The following PHACTR3 variants were observed in gnomAD, a reference collection of about 807,000 sequenced individuals.
The protein encoded by PHACTR3 is phosphatase and actin regulator 3.
Under a neutral mutation model 66.8 loss-of-function variants are expected in PHACTR3, and 16 were observed. The ratio of observed to expected loss-of-function variants is 0.24; its 90% CI spans 0.16 to 0.36. The LOEUF is 0.36. Among genes scored for constraint, PHACTR3 ranks in the 10% least tolerant of loss-of-function variants. The pLI is 1.00. For missense variants in PHACTR3, 647 were observed against 719.9 expected (o/e 0.90, Z 1.16); for synonymous variants, 323 against 292.1 (o/e 1.11, Z -1.08).
Position 59,755,217 on chromosome 20 carries a change from C to T in PHACTR3, c.394C>T (p.Pro132Ser). 1.9e-6 allele frequency: 3 copies of T among 1,613,714 alleles called. No homozygotes were observed. Among genetic ancestry groups the T allele is most frequent in the Non-Finnish European group, 2.5e-6 (3 of 1,180,004 alleles). Residue 132 changes from proline (P) to serine (S), a missense_variant, in exon 4 of 13, where the codon CCC (proline) becomes TCC (serine). Coordinates refer to ENST00000371015, the MANE Select transcript of PHACTR3 (RefSeq NM_080672.5). ...ESKTCNPDGG[P>S]RSVQSEPPTP... Reference sequence around the variant, plus strand: ...CAAAACTTGCAACCCCGATGGAGGACCCCGATCTGTACAGAGTGAACCACC... The same window carrying T: ...CAAAACTTGCAACCCCGATGGAGGATCCCGATCTGTACAGAGTGAACCACC...
chr20:59,729,661 C>G (rs188983787), intron 1 of PHACTR3, among the ~76,000 whole-genome samples: 9 of 152,252 alleles, frequency 5.9e-5, no homozygotes, highest in African/African-American at 2.2e-4. Flanking sequence ...GGGACTGGCT[C>G]TGTCACCTGC....
intron 1 of PHACTR3, among the ~76,000 whole-genome samples, chr20:59,718,895 C>A (rs1388413104): frequency 6.6e-6 from 1 of 152,256 alleles, no homozygotes; most frequent in Non-Finnish European, 1.5e-5. Context: ...TTGGCCTACG[C>A]ATGGGCGTGT....
chr20:59,832,709 T>C (rs1455838928), intron 8 of PHACTR3, among the ~76,000 whole-genome samples: 1 of 152,178 alleles, frequency 6.6e-6, no homozygotes, highest in Non-Finnish European at 1.5e-5. Flanking sequence ...TGCCAGGCTG[T>C]GTGGGTCCTG....
chr20:59,676,417 A>G (rs571583203), intron 1 of PHACTR3, among the ~76,000 whole-genome samples: 1 of 152,130 alleles, frequency 6.6e-6, no homozygotes, highest in South Asian at 2.1e-4. Context: ...CACTTGATCC[A>G]CTGAGCCGGA....
intron 1 of PHACTR3, among the ~76,000 whole-genome samples, chr20:59,686,751 GATGATGGTGA>G (rs1294682643): frequency 0.18 from 27,413 of 148,912 alleles, 3,542 homozygotes; most frequent in East Asian, 0.56. Flanking sequence ...TGATGGTGAT[GATGATGGTGA>G]TGATGATGGT....
chr20:59,746,832 G>A (rs1252499255), intron 2 of PHACTR3, among the ~76,000 whole-genome samples: 1 of 152,250 alleles, frequency 6.6e-6, no homozygotes, highest in Non-Finnish European at 1.5e-5. Flanking sequence ...TTTGGGCCCA[G>A]TGGTCGGAGA....
chr20:59,684,035 G>T (rs2036765326), intron 1 of PHACTR3, among the ~76,000 whole-genome samples: 1 of 152,190 alleles, frequency 6.6e-6, no homozygotes, highest in Non-Finnish European at 1.5e-5. Flanking sequence ...ACAGACTTGG[G>T]GGATGAGAAC....
intron 8 of PHACTR3, among the ~76,000 whole-genome samples, chr20:59,828,557 G>T: frequency 6.6e-6 from 1 of 152,188 alleles, no homozygotes; most frequent in Non-Finnish European, 1.5e-5. Context: ...GGACAAGACA[G>T]AACAATTGTA....
At chr20:59,719,374 A>G (rs981373604) in intron 1 of PHACTR3, among the ~76,000 whole-genome samples, 10 of 152,196 alleles carry the variant, frequency 6.6e-5, no homozygotes. Flanking sequence ...CATCTTGGCC[A>G]GGCTGGTCTT....
intron 1 of PHACTR3, among the ~76,000 whole-genome samples, chr20:59,605,804 T>G (rs116216586): frequency 7.3e-6 from 1 of 136,204 alleles, no homozygotes; most frequent in Non-Finnish European, 1.5e-5. Context: ...TCTATAGGGC[T>G]TGATTGATTA....
At chr20:59,773,159 TG>T in intron 5 of PHACTR3, 119 bp from the exon 6 acceptor site, 1 of 1,177,976 alleles carries the variant, frequency 8.5e-7, no homozygotes, top group Non-Finnish European at 1.2e-6. Context: ...TGGCATTAGT[TG>T]GGGCCCCTCC....
intron 1 of PHACTR3, among the ~76,000 whole-genome samples, chr20:59,640,540 C>T (rs1206176447): frequency 6.6e-6 from 1 of 152,050 alleles, no homozygotes; most frequent in Non-Finnish European, 1.5e-5. Context: ...GTGCTCCTGC[C>T]CTGCCTGCAG....
At chr20:59,646,847 G>A (rs1355560840) in intron 1 of PHACTR3, among the ~76,000 whole-genome samples, 1 of 152,208 alleles carries the variant, frequency 6.6e-6, no homozygotes, top group Non-Finnish European at 1.5e-5. Context: ...TGAGTGTTTG[G>A]GGAGGTATGA....
chr20:59,776,155 T>C (rs571518546), intron 7 of PHACTR3, among the ~76,000 whole-genome samples: 59 of 152,320 alleles, frequency 3.9e-4, no homozygotes, highest in Non-Finnish European at 5.7e-4. Flanking sequence ...CTCTTGACAT[T>C]GACAATGTCA....
At chr20:59,599,473 G>C (rs1359252197) in intron 1 of PHACTR3, among the ~76,000 whole-genome samples, 1 of 152,084 alleles carries the variant, frequency 6.6e-6, no homozygotes, top group Non-Finnish European at 1.5e-5. Flanking sequence ...CAGGCCAGTG[G>C]TTGGTTTCAG....
intron 7 of PHACTR3, among the ~76,000 whole-genome samples, chr20:59,784,326 ATATATG>A (rs1406137121): frequency 6.2e-5 from 8 of 129,570 alleles, no homozygotes; most frequent in African/African-American, 2.2e-4. Context: ...GTATATATAT[ATATATG>A]TGTATATATA....
chr20:59,730,262 G>A (rs1196395636), intron 1 of PHACTR3, among the ~76,000 whole-genome samples: 1 of 152,208 alleles, frequency 6.6e-6, no homozygotes, highest in East Asian at 1.9e-4. Context: ...AGGTGGGTAG[G>A]AAGGGTGAGA....
chr20:59,760,877 G>A (rs368967015), intron 4 of PHACTR3, among the ~76,000 whole-genome samples: 9 of 152,176 alleles, frequency 5.9e-5, no homozygotes, highest in East Asian at 3.9e-4. Context: ...CTCAGGGAGC[G>A]TGTTCTGTGT....
chr20:59,656,732 G>T (rs2035631953), intron 1 of PHACTR3, among the ~76,000 whole-genome samples: 2 of 150,014 alleles, frequency 1.3e-5, no homozygotes, highest in Non-Finnish European at 1.5e-5. Flanking sequence ...TTCCTTTACT[G>T]CTTTATTTGG....
Sources: gnomAD v4.1 joint callset for allele counts (sites outside exome capture counted in the v4.1 genomes callset) on GRCh38, gnomAD v4.1.1 for gene constraint, MANE v1.5 for transcripts, NCBI Gene and HGNC (gene_info 2026-07-23, HGNC 2026-07-21) for gene names.